XAF1: variants seen among roughly 807,000 people sequenced by gnomAD.
XAF1 encodes XIAP associated factor 1, also known as XIAP-associated factor 1.
A neutral mutation model predicts 32.3 loss-of-function variants in XAF1; 32 were observed. The ratio of observed to expected loss-of-function variants is 0.99; its 90% confidence interval spans 0.75 to 1.33. XAF1 has a LOEUF of 1.33. Ranked by LOEUF, XAF1 falls within the 40% of genes most tolerant of loss-of-function variation. The pLI, the probability that XAF1 is intolerant of heterozygous loss-of-function variation, is 0.00. For missense variants in XAF1, 379 were observed against 366.0 expected (o/e 1.04, Z -0.29); for synonymous variants, 120 against 125.9 (o/e 0.95, Z 0.31).
At chr17:6,756,805 C>T (rs1435858091) in intron 1 of XAF1, among the ~76,000 whole-genome samples, 1 of 152,234 alleles carries the variant, frequency 6.6e-6, no homozygotes, top group East Asian at 1.9e-4. Flanking sequence ...TGCCCGCTGC[C>T]TGGGCAGAAG....
At chr17:6,770,549 C>G in intron 5 of XAF1, 94 bp from the exon 6 acceptor site, 1 of 1,034,718 alleles carries the variant, frequency 9.7e-7, no homozygotes. Context: ...AAAGTGTTTA[C>G]AGTGGGAATT....
At chr17:6,765,121 G>T (rs1975501948) in intron 5 of XAF1, among the ~76,000 whole-genome samples, 1 of 152,074 alleles carries the variant, frequency 6.6e-6, no homozygotes, top group Non-Finnish European at 1.5e-5. Context: ...TTTTAAAAAT[G>T]CCATATGTAA....
At chr17:6,769,880 G>T (rs543903148) in intron 5 of XAF1, among the ~76,000 whole-genome samples, 1 of 152,098 alleles carries the variant, frequency 6.6e-6, no homozygotes, top group Admixed American at 6.5e-5. Flanking sequence ...CTCAAATACC[G>T]ACCCAAGAAA....
intron 5 of XAF1, among the ~76,000 whole-genome samples, chr17:6,765,419 T>C (rs1014894313): frequency 6.6e-6 from 1 of 152,046 alleles, no homozygotes; most frequent in African/African-American, 2.4e-5. Context: ...TCTCAAAAAA[T>C]AGATAAATAA....
In XAF1 at chr17:6,770,643, G is replaced by A. The variant is rs776529501; in HGVS notation, c.508G>A (p.Gly170Ser). Residue 170 changes from glycine to serine, a missense_variant and splice_region_variant, in exon 6 of 7, where the codon GGT becomes AGT. Transcript: ENST00000361842. ...TTTGATATATTATTCACAATTGCAGGGTAAATGTTGTCCAGACTCAGAGTT... is the reference window on the plus strand; with the variant it reads ...TTTGATATATTATTCACAATTGCAGAGTAAATGTTGTCCAGACTCAGAGTT... Reference protein sequence around the residue: ...IPENKYFHHMGKCCPDSEFKK... With the variant: ...IPENKYFHHMSKCCPDSEFKK... 3.8e-6 allele frequency: 6 copies of A among 1,577,838 alleles called. No individual in the cohort carries two copies. Among genetic ancestry groups the A allele is most frequent in the Non-Finnish European group, 4.3e-6 (5 of 1,166,674 alleles).
chr17:6,760,523 T>C lies in XAF1; in HGVS notation c.343T>C (p.Cys115Arg). The change falls in exon 4 of 7, where the codon TGT becomes CGT. Residue 115 changes from cysteine (C) to arginine (R), a missense_variant. By Grantham distance (180) the Cys-to-Arg change is radical (BLOSUM62 -3). Coordinates refer to ENST00000361842, the MANE Select transcript of XAF1 (RefSeq NM_017523.5). Reference sequence around the variant, plus strand: ...CAGCCGGACAGAGCTCTGCCAAGGCTGTGGCCAGTTCATCATGCACCGCAT... The same window carrying C: ...CAGCCGGACAGAGCTCTGCCAAGGCCGTGGCCAGTTCATCATGCACCGCAT... ...CGSRTELCQG[C>R]GQFIMHRMLA... The C allele has an allele frequency of 1.9e-6, 3 of 1,613,722 alleles. No individual in the cohort carries two copies. Among genetic ancestry groups the C allele is most frequent in the Non-Finnish European group, 2.5e-6 (3 of 1,179,942 alleles).
At position 6,758,192 on chromosome 17, in the gene XAF1, A is replaced by G. The variant is rs928937087; in HGVS notation, c.136A>G (p.Met46Val). ...TGAGGAGCCTGTCCCCAAGGAAACCATGGAGGAGCACTGCAAGCTTGAGCA... is the reference window on the plus strand; with the variant it reads ...TGAGGAGCCTGTCCCCAAGGAAACCGTGGAGGAGCACTGCAAGCTTGAGCA... The part of the protein sequence containing the change: ...ECEEPVPKET[M>V]EEHCKLEHQQ... Residue 46 changes from methionine (M) to valine (V), a missense_variant, in exon 2 of 7, where the codon ATG becomes GTG. Physicochemically the swap from Met to Val is conservative, Grantham distance 21 (BLOSUM62 1). Coordinates refer to ENST00000361842, the MANE Select transcript of XAF1 (RefSeq NM_017523.5). The G allele has an allele frequency of 3.7e-6, 6 of 1,614,084 alleles. No homozygotes were observed. The highest frequency in any genetic ancestry group is 3.3e-5 in the Admixed American group (2 of 60,002).
At chr17:6,771,648 A>G (rs770313533) in intron 6 of XAF1, 4 of 152,320 alleles carry the variant, frequency 2.6e-5, no homozygotes, top group Non-Finnish European at 5.9e-5. Context: ...GGAGTATACA[A>G]TTAGAAGGTG....
At chr17:6,769,488 A>T (rs765302158) in intron 5 of XAF1, among the ~76,000 whole-genome samples, 9 of 152,118 alleles carry the variant, frequency 5.9e-5, no homozygotes, top group African/African-American at 9.7e-5. Context: ...CTTTTCCCAG[A>T]TTTAATCATT....
At position 6,758,188 on chromosome 17, in the gene XAF1, A is replaced by T; in HGVS notation, c.132A>T (p.Glu44Asp). The T allele has an allele frequency of 6.2e-7, 1 of 1,614,190 alleles. No homozygotes were observed. Among genetic ancestry groups the T allele is most frequent in the Non-Finnish European group, 8.5e-7 (1 of 1,180,028 alleles). ...AGTGTGAGGAGCCTGTCCCCAAGGA[A>T]ACCATGGAGGAGCACTGCAAGCTTG... ...CPECEEPVPK[E>D]TMEEHCKLEH... is the part of the protein sequence containing the mutation. Residue 44 changes from glutamate to aspartate, a missense_variant, in exon 2 of 7, where the codon GAA becomes GAT. By Grantham distance (45) the Glu-to-Asp change is conservative. Transcript: ENST00000361842.
At chr17:6,759,604 C>T in intron 2 of XAF1, 58 bp from the exon 3 acceptor site, 3 of 1,605,484 alleles carry the variant, frequency 1.9e-6, no homozygotes, top group South Asian at 1.1e-5. Context: ...GGGGCAGGCC[C>T]TGGGTGCTGG....
In XAF1 at chr17:6,760,447, C is replaced by A; in HGVS notation, c.267C>A (p.Cys89Ter). Residue 89 changes from cysteine (C) to a stop codon, truncating the protein, a stop_gained, in exon 4 of 7, where the codon TGC (cysteine) becomes TGA (stop). Transcript: ENST00000361842. LOFTEE classifies it high-confidence loss of function. ...CQERPVECKFCKLDMQLSKLE... is the reference protein window; with the variant it reads ...CQERPVECKF ...AGCGCCCTGTTGAGTGTAAGTTCTG[C>A]AAACTGGACATGCAGCTCAGCAAGC... The A allele has an allele frequency of 6.2e-7, 1 of 1,612,800 alleles. No individual in the cohort carries two copies. The highest frequency in any genetic ancestry group is 8.5e-7 in the Non-Finnish European group (1 of 1,179,600).
chr17:6,771,026 C>A, intron 6 of XAF1, 42 bp downstream of exon 6: 1 of 1,590,500 alleles, frequency 6.3e-7, no homozygotes, highest in Middle Eastern at 1.7e-4. Flanking sequence ...TGGGAACCAT[C>A]CGCACAGTGT....
At chr17:6,756,383 T>TTGGGACCACTGGCCG in intron 1 of XAF1, 1 of 930,136 alleles carries the variant, frequency 1.1e-6, no homozygotes, top group Non-Finnish European at 1.5e-6. Flanking sequence ...GCCCGGCCAG[T>TTGGGACCACTGGCCG]GGTCCCAACT....
chr17:6,761,854 A>C (rs1257569967), intron 4 of XAF1: 31 of 1,405,846 alleles, frequency 2.2e-5, no homozygotes, highest in Non-Finnish European at 2.6e-5. Context: ...GGGGGTTGGC[A>C]TCCGTGGCTA....
At chr17:6,771,757 A>T (rs1432319129) in intron 6 of XAF1, 1 of 152,176 alleles carries the variant, frequency 6.6e-6, no homozygotes, top group African/African-American at 2.4e-5. Context: ...TTTTTTCAAA[A>T]TACATAAGTA....
intron 1 of XAF1, among the ~76,000 whole-genome samples, chr17:6,756,920 A>C (rs1169410258): frequency 6.6e-6 from 1 of 151,058 alleles, no homozygotes; most frequent in African/African-American, 2.4e-5. Context: ...CAGCCACCCC[A>C]TTTCCCTTCT....
rs762291469 is a variant in XAF1 at position 6,758,142 on chromosome 17, G to T, written c.86G>T (p.Arg29Leu). The T allele has an allele frequency of 6.2e-7, 1 of 1,614,112 alleles. No homozygotes were observed. Among genetic ancestry groups the T allele is most frequent in the African/African-American group, 1.3e-5 (1 of 74,938 alleles). Reference protein sequence around the residue: ...NFTLHEAYCLRFLVLCPECEE... With the variant: ...NFTLHEAYCLLFLVLCPECEE... ...ACCCTCCATGAGGCTTACTGCCTGC[G>T]GTTCCTGGTCCTGTGTCCGGAGTGT... Residue 29 changes from arginine to leucine, a missense_variant, in exon 2 of 7, where the codon CGG becomes CTG. Arg to Leu is a moderately radical substitution (Grantham distance 102). Transcript: ENST00000361842.
chr17:6,759,392 T>G (rs1190999042), intron 2 of XAF1: 1 of 1,370,550 alleles, frequency 7.3e-7, no homozygotes, highest in South Asian at 1.9e-5. Flanking sequence ...CGCCTTTCCA[T>G]GTCCATTCCT....
Sources: allele counts gnomAD v4.1 joint callset (sites outside exome capture counted in the v4.1 genomes callset), GRCh38; gene constraint gnomAD v4.1.1; transcripts MANE v1.5; gene names NCBI Gene and HGNC (gene_info 2026-07-23, HGNC 2026-07-21).